Variants in FTO observed in about 807,000 individuals in gnomAD.
FTO encodes FTO alpha-ketoglutarate dependent dioxygenase.
FTO carries 47 observed loss-of-function variants against 63.9 expected under a neutral mutation model. The observed-to-expected ratio is 0.74, with a 90% CI of 0.58 to 0.94. The LOEUF (loss-of-function observed/expected upper bound fraction) is 0.94. Among genes scored for constraint, FTO ranks in the 40% least tolerant of loss-of-function variants. The pLI is 0.00. For synonymous variants in FTO, 207 were observed against 224.4 expected, an observed-to-expected ratio of 0.92 and a Z score of 0.69; for missense variants, 562 against 618.1, an observed-to-expected ratio of 0.91 and a Z score of 0.96.
intron 7 of FTO, among the ~76,000 whole-genome samples, chr16:53,899,519 C>T (rs1472580501): frequency 2.6e-5 from 4 of 152,164 alleles, no homozygotes; most frequent in African/African-American, 9.7e-5. Context: ...CTGACTTCCT[C>T]TAGACAAGCT....
intron 8 of FTO, among the ~76,000 whole-genome samples, chr16:54,035,638 A>G (rs1567531008): frequency 6.6e-6 from 1 of 152,182 alleles, no homozygotes; most frequent in Admixed American, 6.5e-5. Context: ...ACTTAATTGT[A>G]GATCATTGTC....
intron 1 of FTO, among the ~76,000 whole-genome samples, chr16:53,796,387 A>G (rs1414833589): frequency 6.6e-6 from 1 of 152,164 alleles, no homozygotes; most frequent in African/African-American, 2.4e-5. Flanking sequence ...GTGGGCATAG[A>G]GATTGATAAA....
intron 4 of FTO, among the ~76,000 whole-genome samples, chr16:53,871,577 G>A (rs1447172571): frequency 6.6e-6 from 1 of 152,128 alleles, no homozygotes; most frequent in Non-Finnish European, 1.5e-5. Flanking sequence ...TTTTGTGTGT[G>A]TGTATGTATC....
chr16:53,955,963 G>A lies in FTO; in HGVS notation c.1364+21854G>A, dbSNP rs796925343. ...GTTCAAGACCGGTCTGGGCAACATA[G>A]CCAGATCCCATCTCTACAAAAAAAT... On this transcript the variant is annotated intron_variant, in intron 8 of 8. Transcript: ENST00000471389. Among the ~76,000 whole-genome samples the A allele has an allele frequency of 5.9e-5, 9 of 151,884 alleles. No homozygotes were observed. The South Asian group carries it at 1.7e-3, about 28-fold the overall frequency.
intron 1 of FTO, among the ~76,000 whole-genome samples, chr16:53,767,040 G>C (rs1425542427): frequency 1.3e-5 from 2 of 152,138 alleles, no homozygotes; most frequent in East Asian, 3.9e-4. Flanking sequence ...CCTAAGGCAT[G>C]ATATTGATTA....
intron 1 of FTO, among the ~76,000 whole-genome samples, chr16:53,769,694 C>T (rs1373591575): frequency 6.6e-6 from 1 of 152,026 alleles, no homozygotes; most frequent in Non-Finnish European, 1.5e-5. Flanking sequence ...CGTACCCTAA[C>T]TTGATATGAT....
intron 2 of FTO, among the ~76,000 whole-genome samples, chr16:53,814,496 C>T (rs996389787): frequency 2.0e-5 from 3 of 152,108 alleles, no homozygotes; most frequent in African/African-American, 7.2e-5. Flanking sequence ...GATGAGGAAA[C>T]CGAGGGACAG....
chr16:53,912,190 T>TG (rs34533783), intron 7 of FTO, among the ~76,000 whole-genome samples: 129,622 of 152,124 alleles, frequency 0.85, 55,999 homozygotes, highest in East Asian at 1. Context: ...ATCAAATTGT[T>TG]CAATTTAGAG....
chr16:54,074,917 A>AGT lies in FTO; in HGVS notation c.1365-36808_1365-36807dup, dbSNP rs3040381. 7.7e-3 allele frequency among the ~76,000 whole-genome samples: 1,028 copies of AGT among 134,242 alleles called. 5 individuals are homozygous for AGT. The highest frequency in any genetic ancestry group is 0.011 in the Non-Finnish European group (706 of 63,798). The allele number at this position is 134,242 out of a possible 152,430, so 88.1% of individuals were successfully genotyped here. A position where few individuals can be genotyped will look rare whatever the true frequency, so the allele number is the denominator to read the frequency against. On this transcript the variant is annotated intron_variant, in intron 8 of 8. Coordinates refer to ENST00000471389, the MANE Select transcript of FTO (RefSeq NM_001080432.3). ...GAGGGAGAGAGAGAGAGAGAGAGAG[A>AGT]GTGTGTGTGTGTGTGTGTGTGTGTG...
intron 8 of FTO, among the ~76,000 whole-genome samples, chr16:54,041,403 G>A (rs192518330): frequency 6.6e-6 from 1 of 151,928 alleles, no homozygotes; most frequent in Non-Finnish European, 1.5e-5. Context: ...TGACACCTGG[G>A]GATTACAATT....
intron 8 of FTO, chr16:53,992,740 C>G (rs748155906): frequency 1.3e-5 from 2 of 152,042 alleles, no homozygotes. Context: ...CAAGACTGGG[C>G]GGTTTATTCC....
chr16:53,836,861 G>T (rs917835576), intron 3 of FTO, among the ~76,000 whole-genome samples: 3 of 152,148 alleles, frequency 2.0e-5, no homozygotes, highest in Non-Finnish European at 2.9e-5. Context: ...CTTTGGGGAG[G>T]AGAGAAACTG....
At chr16:53,902,295 C>A (rs184899557) in intron 7 of FTO, among the ~76,000 whole-genome samples, 1 of 152,128 alleles carries the variant, frequency 6.6e-6, no homozygotes, top group Non-Finnish European at 1.5e-5. Context: ...TGGAAGGGAC[C>A]TGAGAGGTGA....
At chr16:53,925,731 C>T (rs894211440) in intron 7 of FTO, among the ~76,000 whole-genome samples, 2 of 151,980 alleles carry the variant, frequency 1.3e-5, no homozygotes, top group African/African-American at 2.4e-5. Context: ...CTCTGAAAAC[C>T]CTACATGCAA....
intron 1 of FTO, among the ~76,000 whole-genome samples, chr16:53,792,517 G>A (rs576502449): frequency 1.3e-5 from 2 of 152,304 alleles, no homozygotes; most frequent in African/African-American, 4.8e-5. Context: ...CCTTTCCCAT[G>A]GCAGGTTGTT....
chr16:53,983,380 G>C (rs1295286538), intron 8 of FTO, among the ~76,000 whole-genome samples: 3 of 152,004 alleles, frequency 2.0e-5, no homozygotes, highest in African/African-American at 7.2e-5. Flanking sequence ...ATGCTGACCT[G>C]GTGGTCAGCC....
intron 1 of FTO, among the ~76,000 whole-genome samples, chr16:53,767,744 T>C (rs2077245618): frequency 6.6e-6 from 1 of 152,150 alleles, no homozygotes; most frequent in African/African-American, 2.4e-5. Flanking sequence ...CATTTATAGA[T>C]CAGATTCTGA....
intron 1 of FTO, among the ~76,000 whole-genome samples, chr16:53,745,069 T>C (rs1249969167): frequency 6.6e-6 from 1 of 152,198 alleles, no homozygotes; most frequent in East Asian, 1.9e-4. Flanking sequence ...TGGAGGTGAT[T>C]TAAAAAGATA....
intron 1 of FTO, among the ~76,000 whole-genome samples, chr16:53,728,236 C>A (rs1396432361): frequency 2.0e-5 from 3 of 151,806 alleles, no homozygotes; most frequent in Admixed American, 6.6e-5. Flanking sequence ...TAGACCCTGT[C>A]TCTTAAAAAA....
Sources: gnomAD v4.1 joint callset for allele counts (sites outside exome capture counted in the v4.1 genomes callset) on GRCh38, gnomAD v4.1.1 for gene constraint, MANE v1.5 for transcripts, NCBI Gene and HGNC (gene_info 2026-07-23, HGNC 2026-07-21) for gene names.